The following ACACA variants were observed in gnomAD, a reference collection of about 807,000 sequenced individuals.
ACACA encodes the protein acetyl-CoA carboxylase 1.
A neutral mutation model predicts 296.1 loss-of-function variants in ACACA; 103 were observed. The observed-to-expected ratio is 0.35, with a 90% CI of 0.30 to 0.41. The LOEUF (loss-of-function observed/expected upper bound fraction) is 0.41, where lower values mean the gene tolerates loss of function less well. ACACA is among the 10% of genes least tolerant of loss of function. The probability of loss-of-function intolerance (pLI) is 1.00; values close to 1 mark genes in which losing one functional copy is unlikely to be tolerated. For synonymous variants in ACACA, 953 were observed against 1,038.6 expected (o/e 0.92, Z 1.58); for missense variants, 1,554 against 2,989.7 (o/e 0.52, Z 11.20).
At chr17:37,320,531 G>GTT (rs1267375040) in intron 3 of ACACA, among the ~76,000 whole-genome samples, 1 of 150,754 alleles carries the variant, frequency 6.6e-6, no homozygotes, top group African/African-American at 2.4e-5. Context: ...AAGCATATCT[G>GTT]TTACACCAAA....
At chr17:37,118,063 A>G (rs2074343281) in intron 50 of ACACA, among the ~76,000 whole-genome samples, 1 of 152,230 alleles carries the variant, frequency 6.6e-6, no homozygotes, top group Non-Finnish European at 1.5e-5. Flanking sequence ...TACATGAGAT[A>G]ATACAACACC....
intron 1 of ACACA, among the ~76,000 whole-genome samples, chr17:37,401,131 T>A (rs1020779458): frequency 7.2e-5 from 11 of 152,136 alleles, no homozygotes; most frequent in Admixed American, 7.2e-4. Context: ...CCCTGATGAT[T>A]AGTGATGTTG....
chr17:37,188,528 A>G (rs376714631), intron 38 of ACACA, 48 bp from the exon 39 acceptor site: 961 of 1,597,066 alleles, frequency 6.0e-4, no homozygotes, highest in Non-Finnish European at 7.6e-4. Context: ...TCTTCTAACT[A>G]AGACCTGTTT....
chr17:37,340,571 G>T (rs1473427546), intron 1 of ACACA, among the ~76,000 whole-genome samples: 5 of 152,188 alleles, frequency 3.3e-5, no homozygotes, highest in Non-Finnish European at 5.9e-5. Flanking sequence ...AGAACCACTC[G>T]TTAAGGGCAG....
intron 38 of ACACA, among the ~76,000 whole-genome samples, chr17:37,190,822 C>T (rs2077722935): frequency 6.6e-6 from 1 of 152,088 alleles, no homozygotes; most frequent in African/African-American, 2.4e-5. Context: ...ACTATTATGG[C>T]AAATATAAAA....
At chr17:37,088,587 G>C (rs940408565) in intron 55 of ACACA, among the ~76,000 whole-genome samples, 3 of 152,150 alleles carry the variant, frequency 2.0e-5, no homozygotes, top group African/African-American at 7.2e-5. Flanking sequence ...CTAACTCTTG[G>C]CTTCAGGAGG....
At chr17:37,285,002 C>T in intron 3 of ACACA, 32 bp from the exon 4 acceptor site, 1 of 1,613,844 alleles carries the variant, frequency 6.2e-7, no homozygotes, top group East Asian at 2.2e-5. Flanking sequence ...AAAAACACCA[C>T]CTATATTTTC....
chr17:37,227,256 T>C (rs1465245007), intron 25 of ACACA, among the ~76,000 whole-genome samples: 2 of 152,228 alleles, frequency 1.3e-5, no homozygotes, highest in African/African-American at 2.4e-5. Context: ...AATTCATCCA[T>C]TATCCATGCA....
intron 1 of ACACA, among the ~76,000 whole-genome samples, chr17:37,378,955 G>T (rs1049747452): frequency 7.2e-5 from 11 of 152,118 alleles, no homozygotes; most frequent in African/African-American, 2.7e-4. Context: ...CATAGTCACA[G>T]CTACTCAGGA....
chr17:37,288,502 C>CA (rs533312553), intron 3 of ACACA, among the ~76,000 whole-genome samples: 49 of 152,282 alleles, frequency 3.2e-4, no homozygotes, highest in Non-Finnish European at 5.7e-4. Flanking sequence ...GAACCGACTG[C>CA]AAGGGAGTAT....
chr17:37,350,511 C>T (rs554738936), intron 1 of ACACA, among the ~76,000 whole-genome samples: 31 of 152,074 alleles, frequency 2.0e-4, no homozygotes, highest in African/African-American at 7.0e-4. Flanking sequence ...AAGAGCGAGA[C>T]CCTGTCTCGA....
chr17:37,210,432 G>T, intron 30 of ACACA, 35 bp downstream of exon 30: 1 of 1,593,152 alleles, frequency 6.3e-7, no homozygotes. Flanking sequence ...ACATAAAGGT[G>T]CTTTTAATTG....
chr17:37,203,097 C>T (rs892159788), intron 33 of ACACA, among the ~76,000 whole-genome samples: 3 of 151,682 alleles, frequency 2.0e-5, no homozygotes, highest in Non-Finnish European at 2.9e-5. Flanking sequence ...GAGTAGCTGG[C>T]GCTACAGGCG....
At chr17:37,263,023 C>G (rs1295209844) in intron 11 of ACACA, among the ~76,000 whole-genome samples, 1 of 152,218 alleles carries the variant, frequency 6.6e-6, no homozygotes, top group African/African-American at 2.4e-5. Context: ...AGCCACCATG[C>G]CCGGCCAAGC....
intron 1 of ACACA, among the ~76,000 whole-genome samples, chr17:37,374,579 G>A (rs1037016766): frequency 6.9e-4 from 105 of 152,168 alleles, no homozygotes; most frequent in African/African-American, 2.5e-3. Flanking sequence ...GAGCCACCGC[G>A]CCCGGCCCTT....
At chr17:37,175,275 T>C (rs142792202) in intron 41 of ACACA, among the ~76,000 whole-genome samples, 2 of 152,260 alleles carry the variant, frequency 1.3e-5, no homozygotes, top group African/African-American at 4.8e-5. Flanking sequence ...CAAAGTTAAG[T>C]TGTTCTCTGT....
chr17:37,238,452 T>C (rs12451365), intron 24 of ACACA, among the ~76,000 whole-genome samples: 52,091 of 151,930 alleles, frequency 0.34, 11,473 homozygotes, highest in African/African-American at 0.61. Context: ...TCTATAAATC[T>C]ATCTCTACAC....
At chr17:37,375,831 A>C (rs1409099526) in intron 1 of ACACA, among the ~76,000 whole-genome samples, 1 of 152,190 alleles carries the variant, frequency 6.6e-6, no homozygotes, top group Non-Finnish European at 1.5e-5. Context: ...CCTCTAGGTA[A>C]TCTAGTTCTC....
intron 1 of ACACA, among the ~76,000 whole-genome samples, chr17:37,344,100 T>G (rs1476121520): frequency 6.6e-6 from 1 of 150,856 alleles, no homozygotes; most frequent in Non-Finnish European, 1.5e-5. Context: ...AGATAAAAAA[T>G]AAAAAAGAAA....
Sources: allele counts gnomAD v4.1 joint callset (sites outside exome capture counted in the v4.1 genomes callset), GRCh38; gene constraint gnomAD v4.1.1; transcripts MANE v1.5; gene names NCBI Gene and HGNC (gene_info 2026-07-23, HGNC 2026-07-21).